STAB2: variants seen among roughly 807,000 people sequenced by gnomAD.
STAB2 encodes stabilin 2, also known as stabilin-2.
A neutral mutation model predicts 338.1 loss-of-function variants in STAB2; 288 were observed. The observed-to-expected ratio is 0.85, with a 90% CI of 0.77 to 0.94. The LOEUF is 0.94. Ranked by LOEUF, STAB2 falls within the 40% of genes least tolerant of loss-of-function variation. The probability of loss-of-function intolerance (pLI) is 0.00; values close to 1 mark genes in which losing one functional copy is unlikely to be tolerated. For missense variants in STAB2, 3,141 were observed against 3,210.1 expected (o/e 0.98, Z 0.52); for synonymous variants, 1,202 against 1,193.3 (o/e 1.01, Z -0.15).
In STAB2 at chr12:103,661,527, A is replaced by G. The variant is rs531263849; in HGVS notation, c.1869+764A>G. 2.0e-5 allele frequency among the ~76,000 whole-genome samples: 3 copies of G among 152,362 alleles called. No individual in the cohort carries two copies. The East Asian group carries it at 5.8e-4, about 29-fold the overall frequency. ...GTATGGAAATTTCATTCTAGTAAAT[A>G]GGGGATAGAAAATAAGTTAAATGCA... is the stretch of plus-strand genomic sequence containing the variant. On this transcript the variant is annotated intron_variant, in intron 17 of 68. Coordinates refer to ENST00000388887, the MANE Select transcript of STAB2 (RefSeq NM_017564.10).
At chr12:103,653,827 G>A (rs1873961626) in intron 12 of STAB2, among the ~76,000 whole-genome samples, 1 of 141,178 alleles carries the variant, frequency 7.1e-6, no homozygotes, top group Non-Finnish European at 1.5e-5. Context: ...TACATGGATA[G>A]GTCACCGGAT....
chr12:103,697,127 G>A (rs1409685256), intron 33 of STAB2, among the ~76,000 whole-genome samples: 1 of 152,156 alleles, frequency 6.6e-6, no homozygotes, highest in African/African-American at 2.4e-5. Context: ...CCTCAGGGAA[G>A]CTGGCCCTGG....
chr12:103,591,248 G>A (rs1481041216), intron 2 of STAB2, among the ~76,000 whole-genome samples: 1 of 152,098 alleles, frequency 6.6e-6, no homozygotes, highest in East Asian at 1.9e-4. Context: ...ACTCTGGGAG[G>A]CCGAGATGGG....
chr12:103,713,859 C>A, intron 42 of STAB2, 91 bp downstream of exon 42: 1 of 1,552,976 alleles, frequency 6.4e-7, no homozygotes, highest in Non-Finnish European at 8.7e-7. Context: ...ATTATCAGGA[C>A]ACAAAACTGA....
intron 15 of STAB2, among the ~76,000 whole-genome samples, chr12:103,657,332 TTAA>T (rs952241309): frequency 4.6e-5 from 7 of 151,952 alleles, no homozygotes; most frequent in South Asian, 2.1e-4. Flanking sequence ...GATGCACATT[TTAA>T]TAATAATAAT....
At chr12:103,604,300 A>G (rs1956995034) in intron 3 of STAB2, among the ~76,000 whole-genome samples, 1 of 151,972 alleles carries the variant, frequency 6.6e-6, no homozygotes, top group African/African-American at 2.4e-5. Flanking sequence ...GTCTGTACTC[A>G]TTGGGGATGT....
chr12:103,610,383 C>A (rs1439739025), intron 3 of STAB2, among the ~76,000 whole-genome samples: 2 of 152,112 alleles, frequency 1.3e-5, no homozygotes, highest in Non-Finnish European at 2.9e-5. Context: ...TTGGTCTATT[C>A]AAAGATTCAA....
rs1044752765 is a variant in STAB2, at chr12:103,748,627, C to T, written c.6245-336C>T. 3.3e-4 allele frequency among the ~76,000 whole-genome samples: 27 copies of T among 82,144 alleles called. No individual in the cohort carries two copies. The East Asian group carries it at 0.014, about 43-fold the overall frequency. The allele number at this position is 82,144 out of a possible 152,430, so 53.9% of individuals were successfully genotyped here. A position where few individuals can be genotyped will look rare whatever the true frequency, so the allele number is the denominator to read the frequency against. On this transcript the variant is annotated intron_variant, in intron 58 of 68. Transcript: ENST00000388887. Reference sequence around the variant, plus strand: ...ACATACACACACACACACACACACACACACACACACACACACACACACACA... The same window carrying T: ...ACATACACACACACACACACACACATACACACACACACACACACACACACA...
intron 36 of STAB2, 58 bp from the exon 37 acceptor site, chr12:103,705,574 G>A (rs916457522): frequency 5.2e-5 from 78 of 1,500,882 alleles, no homozygotes; most frequent in Admixed American, 6.8e-5. Flanking sequence ...ACTTGCTTTC[G>A]GAGACTGGAA....
At chr12:103,692,720 T>G in intron 30 of STAB2, 92 bp from the exon 31 acceptor site, 1 of 1,043,386 alleles carries the variant, frequency 9.6e-7, no homozygotes, top group South Asian at 1.4e-5. Flanking sequence ...TGAAGGTCAC[T>G]GCTGCTCAAA....
At chr12:103,667,254 G>A (rs190364315) in intron 19 of STAB2, among the ~76,000 whole-genome samples, 73 of 152,322 alleles carry the variant, frequency 4.8e-4, no homozygotes, top group Non-Finnish European at 1.9e-4. Flanking sequence ...TTACCCCTGA[G>A]TCCTTCAGGA....
chr12:103,628,330 G>A (rs1301520716), intron 5 of STAB2, among the ~76,000 whole-genome samples: 1 of 152,294 alleles, frequency 6.6e-6, no homozygotes, highest in East Asian at 1.9e-4. Context: ...TTGGCAAAAT[G>A]CCTGATAGAT....
At chr12:103,636,143 C>T (rs568360653) in intron 6 of STAB2, among the ~76,000 whole-genome samples, 1 of 151,648 alleles carries the variant, frequency 6.6e-6, no homozygotes, top group South Asian at 2.1e-4. Flanking sequence ...GTGTGCTGCA[C>T]CCATTAACTC....
chr12:103,635,307 C>T (rs1424740783), intron 6 of STAB2, among the ~76,000 whole-genome samples: 1 of 152,216 alleles, frequency 6.6e-6, no homozygotes, highest in Non-Finnish European at 1.5e-5. Flanking sequence ...TTCTCCTTCA[C>T]TAGCTAGCAA....
chr12:103,667,648 G>A (rs967766481), intron 19 of STAB2, among the ~76,000 whole-genome samples: 4 of 152,174 alleles, frequency 2.6e-5, no homozygotes, highest in African/African-American at 9.7e-5. Flanking sequence ...ATTATCCTGA[G>A]ATTCCCAAAA....
intron 3 of STAB2, among the ~76,000 whole-genome samples, chr12:103,617,872 G>A (rs1957234928): frequency 6.6e-6 from 1 of 152,200 alleles, no homozygotes; most frequent in African/African-American, 2.4e-5. Flanking sequence ...TGCCACTGCT[G>A]TGGAAATACC....
At chr12:103,603,869 C>T (rs1016221726) in intron 3 of STAB2, among the ~76,000 whole-genome samples, 1 of 152,156 alleles carries the variant, frequency 6.6e-6, no homozygotes, top group Non-Finnish European at 1.5e-5. Context: ...TCTCCATTTA[C>T]TTAGGACTTC....
At chr12:103,666,959 A>G (rs983881791) in intron 19 of STAB2, among the ~76,000 whole-genome samples, 2 of 152,368 alleles carry the variant, frequency 1.3e-5, no homozygotes, top group East Asian at 3.9e-4. Context: ...AGCTCCATCT[A>G]AAAAGGAAAA....
intron 9 of STAB2, among the ~76,000 whole-genome samples, chr12:103,643,933 AGCCGCCCCGTCCG>A: frequency 1.0e-5 from 1 of 96,372 alleles, no homozygotes; most frequent in South Asian, 3.2e-4. Flanking sequence ...CTGCCCGGCC[AGCCGCCCCGTCCG>A]GGAGGTGAGG....
Sources: gnomAD v4.1 joint callset for allele counts (sites outside exome capture counted in the v4.1 genomes callset) on GRCh38, gnomAD v4.1.1 for gene constraint, MANE v1.5 for transcripts, NCBI Gene and HGNC (gene_info 2026-07-23, HGNC 2026-07-21) for gene names.